The following SWAP70 variants were observed in gnomAD, a reference collection of about 807,000 sequenced individuals.
SWAP70 encodes switch-associated protein 70.
A neutral mutation model predicts 80.2 loss-of-function variants in SWAP70; 34 were observed. The observed-to-expected ratio is 0.42, with a 90% CI of 0.32 to 0.56. SWAP70 has a LOEUF of 0.56. Among genes scored for constraint, SWAP70 ranks in the 20% least tolerant of loss-of-function variants. The pLI, the probability that SWAP70 is intolerant of heterozygous loss-of-function variation, is 0.09. For synonymous variants in SWAP70, 239 were observed against 238.5 expected, an observed-to-expected ratio of 1.00 and a Z score of -0.02; for missense variants, 578 against 690.7, an observed-to-expected ratio of 0.84 and a Z score of 1.83.
intron 1 of SWAP70, 49 bp from the exon 2 acceptor site, chr11:9,694,097 C>T: frequency 6.6e-7 from 1 of 1,515,884 alleles, no homozygotes; most frequent in African/African-American, 1.4e-5. Flanking sequence ...GTGAAGGTGT[C>T]ATGTGCTGGT....
intron 9 of SWAP70, among the ~76,000 whole-genome samples, chr11:9,747,315 G>A (rs1457150429): frequency 6.6e-6 from 1 of 152,212 alleles, no homozygotes; most frequent in Non-Finnish European, 1.5e-5. Context: ...TGTAGCAATT[G>A]TTCAATAAAT....
chr11:9,712,399 C>T (rs978936440), intron 2 of SWAP70, among the ~76,000 whole-genome samples: 5 of 152,110 alleles, frequency 3.3e-5, no homozygotes, highest in African/African-American at 1.2e-4. Flanking sequence ...AGACCTAGTT[C>T]TTCATCTTTA....
At chr11:9,665,365 A>G (rs1195476527) in intron 1 of SWAP70, among the ~76,000 whole-genome samples, 1 of 152,194 alleles carries the variant, frequency 6.6e-6, no homozygotes. Context: ...GGAAGGGTCC[A>G]TGGAGATCAT....
intron 9 of SWAP70, 71 bp downstream of exon 9, chr11:9,740,418 A>T: frequency 6.8e-7 from 1 of 1,467,542 alleles, no homozygotes; most frequent in Non-Finnish European, 9.5e-7. Flanking sequence ...TGGAATGACT[A>T]ACACTCTGGT....
intron 7 of SWAP70, among the ~76,000 whole-genome samples, chr11:9,737,173 G>C (rs1337116359): frequency 6.6e-6 from 1 of 152,184 alleles, no homozygotes; most frequent in Non-Finnish European, 1.5e-5. Flanking sequence ...ATGCAGCTGG[G>C]GACAAAGAGA....
At chr11:9,711,389 T>G (rs1316974850) in intron 2 of SWAP70, among the ~76,000 whole-genome samples, 4 of 152,082 alleles carry the variant, frequency 2.6e-5, no homozygotes, top group Non-Finnish European at 4.4e-5. Context: ...AATTTGCCTT[T>G]TATGTGTGTG....
At chr11:9,706,707 G>A (rs1459222525) in intron 2 of SWAP70, among the ~76,000 whole-genome samples, 1 of 152,052 alleles carries the variant, frequency 6.6e-6, no homozygotes, top group Non-Finnish European at 1.5e-5. Flanking sequence ...ATAGGATCAT[G>A]CTGTATATGG....
intron 1 of SWAP70, among the ~76,000 whole-genome samples, chr11:9,665,840 A>T (rs1170990207): frequency 6.6e-6 from 1 of 151,858 alleles, no homozygotes; most frequent in Non-Finnish European, 1.5e-5. Flanking sequence ...TTTTATTTTT[A>T]CTTTTAACTT....
rs528098326 is a variant in SWAP70 at position 9,749,098 on chromosome 11, G to A, written c.1566G>A (p.Lys522=). Residue 522 remains lysine (K), a synonymous_variant, in exon 11 of 12, where the codon AAG becomes AAA. Transcript: ENST00000318950. The part of the protein sequence containing the change: ...QALEQYEEVK[K]KLEMATNKTK... ...CACTTTTGTTTCAGGAAGTTAAAAA[G>A]AAGCTGGAGATGGCAACTAATAAGA... 6.2e-7 allele frequency: 1 copy of A among 1,612,026 alleles called. No homozygotes were observed. The highest frequency in any genetic ancestry group is 8.5e-7 in the Non-Finnish European group (1 of 1,178,954).
intron 1 of SWAP70, among the ~76,000 whole-genome samples, chr11:9,680,002 A>ATTATAAGATGT (rs1850547614): frequency 6.6e-6 from 1 of 152,186 alleles, no homozygotes; most frequent in Non-Finnish European, 1.5e-5. Context: ...AATAGAGCTC[A>ATTATAAGATGT]CAACCTTTAT....
intron 1 of SWAP70, among the ~76,000 whole-genome samples, chr11:9,671,687 TAAATATATTTCTATGTATACATAG>T (rs1850402394): frequency 9.1e-6 from 1 of 110,056 alleles, no homozygotes; most frequent in African/African-American, 3.7e-5. Flanking sequence ...TAGAAATATA[TAAATATATTTCTATGTATACATAG>T]AAATATATAA....
intron 3 of SWAP70, among the ~76,000 whole-genome samples, chr11:9,720,965 A>G (rs1482273570): frequency 6.6e-6 from 1 of 152,074 alleles, no homozygotes; most frequent in Non-Finnish European, 1.5e-5. Flanking sequence ...ACAGGTGCGC[A>G]CCACCACACC....
chr11:9,725,569 A>ATATTTTTTTTTTTTTTT (rs1554892086), intron 4 of SWAP70, among the ~76,000 whole-genome samples: 1 of 26,616 alleles, frequency 3.8e-5, no homozygotes, highest in African/African-American at 1.6e-4. Flanking sequence ...ATATATATAT[A>ATATTTTTTTTTTTTTTT]TTTTTTTTTT....
chr11:9,733,688 C>A (rs1428419069), intron 7 of SWAP70, among the ~76,000 whole-genome samples: 1 of 152,142 alleles, frequency 6.6e-6, no homozygotes, highest in Non-Finnish European at 1.5e-5. Context: ...CTTTCTGCTG[C>A]AATATATTTT....
intron 2 of SWAP70, among the ~76,000 whole-genome samples, chr11:9,698,548 G>A (rs922483795): frequency 6.6e-6 from 1 of 151,192 alleles, no homozygotes; most frequent in African/African-American, 2.4e-5. Flanking sequence ...GTGACAACAG[G>A]CATGTGCCAC....
rs183495425 is a variant in SWAP70, at chr11:9,749,049, C to G, written c.1555-38C>G. On this transcript the variant is annotated intron_variant, in intron 10 of 11. Coordinates refer to ENST00000318950, the MANE Select transcript of SWAP70 (RefSeq NM_015055.4). ...GTTGTGATTTGGTTCTTAAACTACCCGTGTGTCTGCATAGTCCAAAATCCA... is the reference window on the plus strand; with the variant it reads ...GTTGTGATTTGGTTCTTAAACTACCGGTGTGTCTGCATAGTCCAAAATCCA... 874 of 1,376,696 alleles carry G rather than the reference C, an allele frequency of 6.3e-4. 1 individual carries two copies. Among genetic ancestry groups the G allele is most frequent in the Non-Finnish European group, 8.4e-4 (823 of 977,328 alleles). The allele number at this position is 1,376,696 out of a possible 1,614,324, so 85.3% of individuals were successfully genotyped here.
intron 2 of SWAP70, among the ~76,000 whole-genome samples, chr11:9,699,866 G>GTGTATA (rs139838521): frequency 6.9e-6 from 1 of 144,072 alleles, no homozygotes; most frequent in Non-Finnish European, 1.5e-5. Flanking sequence ...TGTATAGTGT[G>GTGTATA]TATATATATA....
At chr11:9,672,257 C>T (rs1565110344) in intron 1 of SWAP70, among the ~76,000 whole-genome samples, 2 of 119,274 alleles carry the variant, frequency 1.7e-5, no homozygotes, top group Non-Finnish European at 3.3e-5. Flanking sequence ...TTGGTTCTTC[C>T]TTTCCATGTC....
intron 2 of SWAP70, among the ~76,000 whole-genome samples, chr11:9,699,762 G>A (rs1850807908): frequency 1.3e-5 from 2 of 151,906 alleles, no homozygotes; most frequent in Non-Finnish European, 1.5e-5. Context: ...AGACTGAGGT[G>A]GGAGGATTGC....
Sources: gnomAD v4.1 joint callset for allele counts (sites outside exome capture counted in the v4.1 genomes callset) on GRCh38, gnomAD v4.1.1 for gene constraint, MANE v1.5 for transcripts, NCBI Gene and HGNC (gene_info 2026-07-23, HGNC 2026-07-21) for gene names.